The following COG6 variants were observed in gnomAD, a reference collection of about 807,000 sequenced individuals.
COG6 encodes the protein component of oligomeric golgi complex 6.
Under a neutral mutation model 88.8 loss-of-function variants are expected in COG6, and 74 were observed. That is an observed-to-expected ratio of 0.83 (90% CI 0.69 to 1.01). The LOEUF (loss-of-function observed/expected upper bound fraction) is 1.01, where lower values mean the gene tolerates loss of function less well. Among genes scored for constraint, COG6 ranks in the 50% least tolerant of loss-of-function variants. The pLI is 0.00. For synonymous variants in COG6, 286 were observed against 278.7 expected (o/e 1.03, Z -0.26); for missense variants, 800 against 797.9 (o/e 1.00, Z -0.03).
intron 18 of COG6, among the ~76,000 whole-genome samples, chr13:39,738,484 A>G (rs1167506462): frequency 6.6e-6 from 1 of 152,194 alleles, no homozygotes; most frequent in African/African-American, 2.4e-5. Context: ...AAGGTGAAAA[A>G]GGAGGGTAAA....
At chr13:39,668,137 A>G (rs573732445) in intron 4 of COG6, among the ~76,000 whole-genome samples, 80 of 152,276 alleles carry the variant, frequency 5.3e-4, no homozygotes, top group Middle Eastern at 6.8e-3. Context: ...CACAGTAAAC[A>G]TAAGAGCCAC....
At chr13:39,697,571 C>T (rs1877345342) in intron 12 of COG6, among the ~76,000 whole-genome samples, 1 of 151,948 alleles carries the variant, frequency 6.6e-6, no homozygotes, top group South Asian at 2.1e-4. Context: ...ATGCCCTTAT[C>T]ACTATTTTGG....
chr13:39,686,992 G>A (rs1470147771), intron 8 of COG6, among the ~76,000 whole-genome samples: 1 of 151,928 alleles, frequency 6.6e-6, no homozygotes, highest in Non-Finnish European at 1.5e-5. Context: ...GCCTCCTAAA[G>A]TGCTAGGATT....
At chr13:39,741,622 G>A (rs763944696) in intron 18 of COG6, among the ~76,000 whole-genome samples, 9 of 152,086 alleles carry the variant, frequency 5.9e-5, no homozygotes, top group African/African-American at 7.2e-5. Flanking sequence ...CCAAATCTAC[G>A]TTTGATTGGT....
Position 39,655,733 on chromosome 13 carries a change from G to C in COG6, c.7G>C (p.Glu3Gln), listed in dbSNP as rs575588033. Residue 3 changes from glutamate to glutamine, a missense_variant, in exon 1 of 19, where the codon GAG becomes CAG. Glu to Gln is a conservative substitution (Grantham distance 29). Coordinates refer to ENST00000455146, the MANE Select transcript of COG6 (RefSeq NM_020751.3). Reference sequence around the variant, plus strand: ...GGGCGGGACGCGCAGCGCTATGGCAGAGGGCAGCGGGGAAGTGGTCGCAGT... The same window carrying C: ...GGGCGGGACGCGCAGCGCTATGGCACAGGGCAGCGGGGAAGTGGTCGCAGT... MA[E>Q]GSGEVVAVSA... The C allele has an allele frequency of 2.4e-5, 39 of 1,594,942 alleles. No homozygotes were observed. The highest frequency in any genetic ancestry group is 5.1e-5 in the Admixed American group (3 of 58,346).
At chr13:39,728,956 C>T (rs899309736) in intron 18 of COG6, among the ~76,000 whole-genome samples, 8 of 152,188 alleles carry the variant, frequency 5.3e-5, no homozygotes, top group Admixed American at 2.6e-4. Flanking sequence ...AGCCACTGCG[C>T]CCGGCCAATG....
Position 39,751,472 on chromosome 13 carries a change from G to T in COG6, c.*379G>T, listed in dbSNP as rs752577226. 1 of 1,254,978 alleles carries T rather than the reference G, an allele frequency of 8.0e-7. No individual in the cohort carries two copies. Among genetic ancestry groups the T allele is most frequent in the South Asian group, 1.2e-5 (1 of 80,224 alleles). The allele number at this position is 1,254,978 out of a possible 1,614,324, so 77.7% of individuals were successfully genotyped here. On this transcript the variant is annotated 3_prime_UTR_variant, in exon 19 of 19. Coordinates refer to ENST00000455146, the MANE Select transcript of COG6 (RefSeq NM_020751.3). Reference sequence around the variant, plus strand: ...GTCTAAATTTAATAATTAGTATAAGGATATGACCTAATAAATGTCTCCTTA... The same window carrying T: ...GTCTAAATTTAATAATTAGTATAAGTATATGACCTAATAAATGTCTCCTTA...
chr13:39,735,111 A>G lies in COG6; in HGVS notation c.1826+7563A>G, dbSNP rs565516240. The stretch of plus-strand genomic sequence containing the variant: ...CATAGTCCATTTACATTGTGTTATT[A>G]CTGATAAGGACTTACTCTGCCATTT... On this transcript the variant is annotated intron_variant, in intron 18 of 18. Transcript: ENST00000455146. Among the ~76,000 whole-genome samples, 8 of 151,834 alleles carry G rather than the reference A, an allele frequency of 5.3e-5. No individual in the cohort carries two copies. The South Asian group carries it at 8.3e-4, about 16-fold the overall frequency.
At chr13:39,730,338 C>G (rs1191951046) in intron 18 of COG6, among the ~76,000 whole-genome samples, 1 of 151,930 alleles carries the variant, frequency 6.6e-6, no homozygotes, top group African/African-American at 2.4e-5. Flanking sequence ...ATGTTATATG[C>G]AAAGTATTGG....
intron 4 of COG6, among the ~76,000 whole-genome samples, chr13:39,675,302 T>C (rs1243529707): frequency 1.3e-5 from 2 of 152,190 alleles, no homozygotes; most frequent in Non-Finnish European, 2.9e-5. Context: ...ATAGGCCTTA[T>C]ACATTGTGAG....
At chr13:39,721,260 G>C (rs1878836062) in intron 15 of COG6, among the ~76,000 whole-genome samples, 1 of 151,900 alleles carries the variant, frequency 6.6e-6, no homozygotes, top group Admixed American at 6.6e-5. Context: ...ATTCTTCTTG[G>C]TCTATGTGCT....
intron 13 of COG6, among the ~76,000 whole-genome samples, chr13:39,710,721 G>A (rs1878191038): frequency 6.6e-6 from 1 of 152,036 alleles, no homozygotes; most frequent in South Asian, 2.1e-4. Flanking sequence ...CCCATTTAAT[G>A]TTTGTAAAAT....
chr13:39,711,750 A>G (rs1052345117), intron 13 of COG6, among the ~76,000 whole-genome samples: 3 of 152,238 alleles, frequency 2.0e-5, no homozygotes, highest in Admixed American at 6.5e-5. Context: ...AGATAGAAAT[A>G]TAAAGAAAGT....
chr13:39,710,224 C>T (rs530463635), intron 13 of COG6, among the ~76,000 whole-genome samples: 67 of 152,158 alleles, frequency 4.4e-4, no homozygotes, highest in African/African-American at 1.4e-3. Flanking sequence ...GATTTATTCC[C>T]AGATATTGAG....
At chr13:39,784,724 G>A (rs1270735437) in intron 18 of COG6, among the ~76,000 whole-genome samples, 1 of 152,172 alleles carries the variant, frequency 6.6e-6, no homozygotes, top group African/African-American at 2.4e-5. Flanking sequence ...AGGAACAGGG[G>A]AGAACAGTGA....
chr13:39,751,249 T>A lies in COG6; in HGVS notation c.*156T>A. On this transcript the variant is annotated 3_prime_UTR_variant, in exon 19 of 19. Coordinates refer to ENST00000455146, the MANE Select transcript of COG6 (RefSeq NM_020751.3). Reference sequence around the variant, plus strand: ...ATAATTTTTTTTTTTTTGGTCTCAGTAACAGGGAAGTAAGTAACATGTTGA... The same window carrying A: ...ATAATTTTTTTTTTTTTGGTCTCAGAAACAGGGAAGTAAGTAACATGTTGA... 1 of 1,515,586 alleles carries A rather than the reference T, an allele frequency of 6.6e-7. No homozygotes were observed. Among genetic ancestry groups the A allele is most frequent in the Non-Finnish European group, 8.8e-7 (1 of 1,135,678 alleles). The allele number at this position is 1,515,586 out of a possible 1,614,324, so 93.9% of individuals were successfully genotyped here. A position where few individuals can be genotyped will look rare whatever the true frequency, so the allele number is the denominator to read the frequency against.
intron 18 of COG6, among the ~76,000 whole-genome samples, chr13:39,768,103 C>G (rs1490565595): frequency 7.2e-6 from 1 of 138,200 alleles, no homozygotes; most frequent in African/African-American, 2.7e-5. Context: ...ACTTCTCTTT[C>G]TTGCAGTTTA....
At chr13:39,721,371 C>T (rs1878841704) in intron 15 of COG6, among the ~76,000 whole-genome samples, 1 of 152,088 alleles carries the variant, frequency 6.6e-6, no homozygotes, top group South Asian at 2.1e-4. Context: ...TAACATTCTC[C>T]AGAAATCTCT....
chr13:39,730,495 G>T (rs1879374073), intron 18 of COG6, among the ~76,000 whole-genome samples: 1 of 151,966 alleles, frequency 6.6e-6, no homozygotes, highest in South Asian at 2.1e-4. Flanking sequence ...GTCAGGCCGG[G>T]CGTGGTGGTT....
Sources: allele counts gnomAD v4.1 joint callset (sites outside exome capture counted in the v4.1 genomes callset), GRCh38; gene constraint gnomAD v4.1.1; transcripts MANE v1.5; gene names NCBI Gene and HGNC (gene_info 2026-07-23, HGNC 2026-07-21).